The following CALU variants were observed in gnomAD, a reference collection of about 807,000 sequenced individuals.
CALU encodes calumenin, also known as IEF SSP 9302.
CALU carries 13 observed loss-of-function variants against 37.5 expected under a neutral mutation model. The ratio of observed to expected loss-of-function variants is 0.35; its 90% CI spans 0.23 to 0.55. The LOEUF is 0.55. CALU is among the 20% of genes least tolerant of loss of function. The probability of loss-of-function intolerance (pLI) is 0.89; values close to 1 mark genes in which losing one functional copy is unlikely to be tolerated. For synonymous variants in CALU, 114 were observed against 133.8 expected, an observed-to-expected ratio of 0.85 and a Z score of 1.02; for missense variants, 282 against 391.7, an observed-to-expected ratio of 0.72 and a Z score of 2.36.
rs528396308 is a variant in CALU, at chr7:128,750,042, C to G, written c.221+1238C>G. ...GAGATCGAGACCATCCTGGCTAACA[C>G]TGTGAAACCCCATCTCTACTAAAAA... is the stretch of plus-strand genomic sequence containing the variant. On this transcript the variant is annotated intron_variant, in intron 2 of 6. Transcript: ENST00000249364. 4.6e-5 allele frequency among the ~76,000 whole-genome samples: 7 copies of G among 151,936 alleles called. No individual in the cohort carries two copies. In the East Asian group the frequency reaches 1.4e-3, roughly 29 times the overall value.
intron 5 of CALU, among the ~76,000 whole-genome samples, chr7:128,763,606 ACGT>A (rs1424519787): frequency 7.2e-5 from 11 of 152,206 alleles, no homozygotes; most frequent in African/African-American, 2.7e-4. Flanking sequence ...AAATGCGCTT[ACGT>A]TGTAGTGTAT....
intron 1 of CALU, among the ~76,000 whole-genome samples, chr7:128,745,847 T>G (rs1192893781): frequency 6.6e-6 from 1 of 152,144 alleles, no homozygotes; most frequent in Non-Finnish European, 1.5e-5. Context: ...TTCATACAAA[T>G]TAGACAGTAC....
At chr7:128,766,279 G>C (rs1801325605) in intron 5 of CALU, among the ~76,000 whole-genome samples, 1 of 151,094 alleles carries the variant, frequency 6.6e-6, no homozygotes. Flanking sequence ...TATGTTTAAT[G>C]ATCCCTTAGC....
At position 128,772,501 on chromosome 7, in the gene CALU, T is replaced by C; in HGVS notation, c.*3334T>C. 6.2e-7 allele frequency: 1 copy of C among 1,613,610 alleles called. No individual in the cohort carries two copies. Among genetic ancestry groups the C allele is most frequent in the Non-Finnish European group, 8.5e-7 (1 of 1,179,542 alleles). On this transcript the variant is annotated 3_prime_UTR_variant, in exon 7 of 7. Transcript: ENST00000249364. ...AATAGAAACTTACTTAAAAGTAAAA[T>C]TTAATTCTAGCTGTTGCAAACAGGC... is the stretch of plus-strand genomic sequence containing the variant.
chr7:128,751,411 C>T (rs1435033847), intron 2 of CALU, among the ~76,000 whole-genome samples: 2 of 151,548 alleles, frequency 1.3e-5, no homozygotes, highest in Non-Finnish European at 2.9e-5. Flanking sequence ...AGGACTTTTC[C>T]TCAGAAAAGT....
rs1801375671 is a variant in CALU at position 128,767,366 on chromosome 7, G to A, written c.644-90G>A. ...AGCTGCTGTTGGGTTCCAAACAAAT[G>A]GATGAGGAAAAAGGGTTAGGCCAGA... is the stretch of plus-strand genomic sequence containing the variant. On this transcript the variant is annotated intron_variant, in intron 5 of 6. Coordinates refer to ENST00000249364, the MANE Select transcript of CALU (RefSeq NM_001219.5). 7.1e-6 allele frequency: 7 copies of A among 984,018 alleles called. No homozygotes were observed. In the South Asian group the frequency reaches 9.1e-5, roughly 13 times the overall value. The allele number at this position is 984,018 out of a possible 1,614,324, so 61.0% of individuals were successfully genotyped here.
chr7:128,761,033 T>C (rs912467788), intron 5 of CALU, among the ~76,000 whole-genome samples: 8 of 152,232 alleles, frequency 5.3e-5, no homozygotes, highest in Non-Finnish European at 1.0e-4. Context: ...ATCCCTCTTG[T>C]AGCCATTCCT....
chr7:128,754,657 A>G, intron 3 of CALU: 1 of 1,552,306 alleles, frequency 6.4e-7, no homozygotes, highest in East Asian at 2.4e-5. Context: ...CAGGAGTTTG[A>G]TATGAATCAA....
At chr7:128,757,936 A>T (rs1317230711) in intron 3 of CALU, among the ~76,000 whole-genome samples, 2 of 151,248 alleles carry the variant, frequency 1.3e-5, no homozygotes, top group African/African-American at 4.9e-5. Flanking sequence ...TACCTTTGTC[A>T]AGTTATTATT....
chr7:128,758,373 T>C (rs1468518001), intron 3 of CALU, among the ~76,000 whole-genome samples: 3 of 152,192 alleles, frequency 2.0e-5, no homozygotes, highest in Non-Finnish European at 4.4e-5. Flanking sequence ...TGACATTTGT[T>C]GAAAGCCAAC....
At chr7:128,759,766 G>A in intron 4 of CALU, 26 bp from the exon 5 acceptor site, 1 of 1,107,392 alleles carries the variant, frequency 9.0e-7, no homozygotes, top group Non-Finnish European at 1.4e-6. Context: ...CAACTTAATA[G>A]TCTCTTCTTA....
At position 128,768,847 on chromosome 7, in the gene CALU, C is replaced by CAAAAAAAAAAAAAAAAAAAAAAAAAAAA. The variant is rs1012831963; in HGVS notation, c.844-195_844-194insAAAAAAAAAAAAAAAAAAAAAAAAAAAA. Among the ~76,000 whole-genome samples the CAAAAAAAAAAAAAAAAAAAAAAAAAAAA allele has an allele frequency of 2.2e-4, 12 of 55,188 alleles. 1 individual carries two copies. The highest frequency in any genetic ancestry group is 6.5e-4 in the South Asian group (1 of 1,534). The allele number at this position is 55,188 out of a possible 152,430, so 36.2% of individuals were successfully genotyped here. On this transcript the variant is annotated intron_variant, in intron 6 of 6. Transcript: ENST00000249364. ...GGGCAACAAGAGCGAAACTCCGTCT[C>CAAAAAAAAAAAAAAAAAAAAAAAAAAAA]AAAAAAAAAAAAAAAAAAAAACAAG...
intron 5 of CALU, 30 bp downstream of exon 5, chr7:128,759,882 G>C: frequency 9.1e-7 from 1 of 1,099,684 alleles, no homozygotes; most frequent in Non-Finnish European, 1.4e-6. Flanking sequence ...GTTTTTCTTA[G>C]AAAAGCTGAG....
In CALU at chr7:128,771,301, T is replaced by C. The variant is rs1303750222; in HGVS notation, c.*2134T>C. ...GAAATTTTTTTTTTGTTTGTTTGTT[T>C]AAATCAAGCCTGAGGCTGGTGAACA... On this transcript the variant is annotated 3_prime_UTR_variant, in exon 7 of 7. Transcript: ENST00000249364. The C allele has an allele frequency of 6.6e-6, 1 of 152,664 alleles. No individual in the cohort carries two copies. The highest frequency in any genetic ancestry group is 1.9e-4 in the East Asian group (1 of 5,200). 9.5% of individuals were successfully genotyped at this position (152,664 alleles called of 1,614,324 possible). A position where few individuals can be genotyped will look rare whatever the true frequency, so the allele number is the denominator to read the frequency against.
rs1230230091 is a variant in CALU, at chr7:128,771,049, GC to G, written c.*1885del. The G allele has an allele frequency of 5.2e-5, 8 of 152,578 alleles. No homozygotes were observed. Among genetic ancestry groups the G allele is most frequent in the Non-Finnish European group, 1.2e-4 (8 of 68,044 alleles). 9.5% of individuals were successfully genotyped at this position (152,578 alleles called of 1,614,324 possible). On this transcript the variant is annotated 3_prime_UTR_variant, in exon 7 of 7. Coordinates refer to ENST00000249364, the MANE Select transcript of CALU (RefSeq NM_001219.5). ...CAATATAGGGTAATGGAAATTTCCTGCCCTCTGGGTTCCCCATTTTTACTAT... is the reference window on the plus strand; with the variant it reads ...CAATATAGGGTAATGGAAATTTCCTGCCTCTGGGTTCCCCATTTTTACTAT...
intron 1 of CALU, among the ~76,000 whole-genome samples, chr7:128,744,549 C>T (rs988500512): frequency 2.0e-5 from 3 of 151,816 alleles, no homozygotes; most frequent in African/African-American, 7.3e-5. Flanking sequence ...TTTCATTCCT[C>T]CCTGCAGAAA....
In CALU at chr7:128,760,426, T is replaced by C. The variant is rs142615740; in HGVS notation, c.643+574T>C. ...AAAAAGTAAAAAGAAACAGATGAAA[T>C]TTCAGTAGTTATTTAACCTAATATT... On this transcript the variant is annotated intron_variant, in intron 5 of 6. Coordinates refer to ENST00000249364, the MANE Select transcript of CALU (RefSeq NM_001219.5). Among the ~76,000 whole-genome samples, 54 of 152,284 alleles carry C rather than the reference T, an allele frequency of 3.5e-4. No individual in the cohort carries two copies. In the East Asian group the frequency reaches 8.9e-3, roughly 25 times the overall value.
chr7:128,754,029 A>G (rs1392663477), intron 2 of CALU, among the ~76,000 whole-genome samples: 3 of 152,202 alleles, frequency 2.0e-5, no homozygotes. Flanking sequence ...ACCTCCAAAG[A>G]GATAGGCTGA....
rs780338015 is a variant in CALU at position 128,758,996 on chromosome 7, C to T, written c.541C>T (p.His181Tyr). ...ATKEEFTAFL[H>Y]PEEYDYMKDI... ...CAAGGAGGAGTTCACAGCTTTCCTG[C>T]ACCCTGAGGAGTATGACTACATGAA... The change falls in exon 4 of 7, where the codon CAC (histidine) becomes TAC (tyrosine). Residue 181 changes from histidine (H) to tyrosine (Y), a missense_variant. Physicochemically the swap from His to Tyr is moderately conservative, Grantham distance 83 (BLOSUM62 2). Coordinates refer to ENST00000249364, the MANE Select transcript of CALU (RefSeq NM_001219.5). 2.5e-6 allele frequency: 4 copies of T among 1,613,864 alleles called. No individual in the cohort carries two copies. The highest frequency in any genetic ancestry group is 3.4e-6 in the Non-Finnish European group (4 of 1,179,904).
Sources: allele counts gnomAD v4.1 joint callset (sites outside exome capture counted in the v4.1 genomes callset), GRCh38; gene constraint gnomAD v4.1.1; transcripts MANE v1.5; gene names NCBI Gene and HGNC (gene_info 2026-07-23, HGNC 2026-07-21).